Variants in ANAPC16 observed in about 807,000 individuals in gnomAD.
ANAPC16 encodes the protein anaphase-promoting complex subunit 16.
A neutral mutation model predicts 13.1 loss-of-function variants in ANAPC16; 6 were observed. The ratio of observed to expected loss-of-function variants is 0.46; its 90% CI spans 0.25 to 0.90. The LOEUF is 0.90. Among genes scored for constraint, ANAPC16 ranks in the 40% least tolerant of loss-of-function variants. The pLI, the probability that ANAPC16 is intolerant of heterozygous loss-of-function variation, is 0.18. For missense variants in ANAPC16, 113 were observed against 131.1 expected, an observed-to-expected ratio of 0.86 and a Z score of 0.67; for synonymous variants, 55 against 51.3, an observed-to-expected ratio of 1.07 and a Z score of -0.31.
chr10:72,221,651 C>G (rs1346918716), intron 1 of ANAPC16, among the ~76,000 whole-genome samples: 1 of 141,466 alleles, frequency 7.1e-6, no homozygotes, highest in Non-Finnish European at 1.6e-5. Flanking sequence ...CTCCCAGGTT[C>G]AGGTTCAAGT....
chr10:72,232,871 T>TG (rs1860366352), intron 3 of ANAPC16, 130 bp from the exon 4 acceptor site: 1 of 713,214 alleles, frequency 1.4e-6, no homozygotes, highest in African/African-American at 1.8e-5. Context: ...CCCAAAGTGC[T>TG]GGGATTATAG....
chr10:72,218,339 G>A (rs973372055), intron 1 of ANAPC16, among the ~76,000 whole-genome samples: 4 of 150,858 alleles, frequency 2.7e-5, no homozygotes, highest in African/African-American at 9.8e-5. Flanking sequence ...GGCATAAATG[G>A]GTTAAATGAT....
At chr10:72,226,779 G>A (rs913394429) in intron 2 of ANAPC16, among the ~76,000 whole-genome samples, 9 of 152,130 alleles carry the variant, frequency 5.9e-5, no homozygotes, top group Admixed American at 5.2e-4. Context: ...ATTTGTGACA[G>A]GAAACCACGG....
chr10:72,218,340 G>T (rs920623322), intron 1 of ANAPC16, among the ~76,000 whole-genome samples: 6 of 151,040 alleles, frequency 4.0e-5, no homozygotes, highest in African/African-American at 1.5e-4. Context: ...GCATAAATGG[G>T]TTAAATGATG....
chr10:72,218,538 G>A (rs1013538005), intron 1 of ANAPC16, among the ~76,000 whole-genome samples: 3 of 152,020 alleles, frequency 2.0e-5, no homozygotes, highest in Admixed American at 6.6e-5. Flanking sequence ...ATATAAAATG[G>A]GGAAGTTGGG....
At chr10:72,221,865 G>T (rs1177165882) in intron 1 of ANAPC16, among the ~76,000 whole-genome samples, 1 of 151,002 alleles carries the variant, frequency 6.6e-6, no homozygotes, top group Non-Finnish European at 1.5e-5. Flanking sequence ...AAGTAGCTGG[G>T]ATTACAGGCA....
At chr10:72,220,848 C>T (rs1399492467) in intron 1 of ANAPC16, 1 of 143,560 alleles carries the variant, frequency 7.0e-6, no homozygotes, top group African/African-American at 2.7e-5. Flanking sequence ...CGTGACTGGC[C>T]AGAAAAAAAA....
intron 1 of ANAPC16, among the ~76,000 whole-genome samples, chr10:72,218,419 A>G (rs930023534): frequency 6.6e-6 from 1 of 151,876 alleles, no homozygotes; most frequent in Admixed American, 6.6e-5. Flanking sequence ...CTTACCCATT[A>G]TGCTGCTTTA....
At position 72,234,537 on chromosome 10, in the gene ANAPC16, A is replaced by G. The variant is rs752876283; in HGVS notation, c.*1421A>G. On this transcript the variant is annotated 3_prime_UTR_variant, in exon 4 of 4. Coordinates refer to ENST00000299381, the MANE Select transcript of ANAPC16 (RefSeq NM_173473.4). ...CCACTTTCCACAGTAAACAACTGGT[A>G]TAATCATTTATTACGTTGTATGCAA... 1.3e-5 allele frequency: 2 copies of G among 152,230 alleles called. No individual in the cohort carries two copies. Among genetic ancestry groups the G allele is most frequent in the African/African-American group, 2.4e-5 (1 of 41,460 alleles). 9.4% of individuals were successfully genotyped at this position (152,230 alleles called of 1,614,324 possible). A position where few individuals can be genotyped will look rare whatever the true frequency, so the allele number is the denominator to read the frequency against.
At position 72,216,950 on chromosome 10, in the gene ANAPC16, G is replaced by GA. The variant is rs752935810; in HGVS notation, c.-28+819dup. ...GCGAATAGATCTGCACAATGAGAAAGAAAAAAATCCATAATGATCCAATAC... is the reference window on the plus strand; with the variant it reads ...GCGAATAGATCTGCACAATGAGAAAGAAAAAAAATCCATAATGATCCAATAC... On this transcript the variant is annotated intron_variant, in intron 1 of 3. Coordinates refer to ENST00000299381, the MANE Select transcript of ANAPC16 (RefSeq NM_173473.4). 1,059 of 456,110 alleles carry GA rather than the reference G, an allele frequency of 2.3e-3. 2 individuals carry two copies. Among genetic ancestry groups the GA allele is most frequent in the Non-Finnish European group, 3.9e-3 (884 of 226,928 alleles). 28.3% of individuals were successfully genotyped at this position (456,110 alleles called of 1,614,324 possible).
In ANAPC16 at chr10:72,235,638, A is replaced by G. The variant is rs1325773852; in HGVS notation, c.*2522A>G. The G allele has an allele frequency of 6.6e-6, 1 of 152,230 alleles. No individual in the cohort carries two copies. The highest frequency in any genetic ancestry group is 1.5e-5 in the Non-Finnish European group (1 of 68,040). 9.4% of individuals were successfully genotyped at this position (152,230 alleles called of 1,614,324 possible). A position where few individuals can be genotyped will look rare whatever the true frequency, so the allele number is the denominator to read the frequency against. On this transcript the variant is annotated 3_prime_UTR_variant, in exon 4 of 4. Coordinates refer to ENST00000299381, the MANE Select transcript of ANAPC16 (RefSeq NM_173473.4). ...ACCAAGGGAAAAATTAAAAATACCT[A>G]GACTGCAATAAACCTTTAAATTGGA...
At chr10:72,218,145 CAAAAAAAA>C (rs142932037) in intron 1 of ANAPC16, among the ~76,000 whole-genome samples, 82 of 34,864 alleles carry the variant, frequency 2.4e-3, no homozygotes, top group East Asian at 7.2e-3. Context: ...AACTCTGTCT[CAAAAAAAA>C]AAAAAAAAAA....
At chr10:72,217,999 C>T (rs1243626435) in intron 1 of ANAPC16, among the ~76,000 whole-genome samples, 5 of 150,990 alleles carry the variant, frequency 3.3e-5, no homozygotes, top group African/African-American at 1.2e-4. Flanking sequence ...CCAAGCATTT[C>T]GGATGAAGGG....
chr10:72,230,138 C>CA (rs968220035), intron 2 of ANAPC16, among the ~76,000 whole-genome samples: 1 of 152,052 alleles, frequency 6.6e-6, no homozygotes, highest in Admixed American at 6.6e-5. Flanking sequence ...TTTTTTTAAA[C>CA]ACTATTTTTA....
intron 3 of ANAPC16, among the ~76,000 whole-genome samples, chr10:72,231,214 G>T (rs768812580): frequency 6.6e-6 from 1 of 152,042 alleles, no homozygotes; most frequent in Non-Finnish European, 1.5e-5. Flanking sequence ...AATCACTATG[G>T]CATAGAGGAT....
chr10:72,218,168 ATAT>A (rs1859719588), intron 1 of ANAPC16, among the ~76,000 whole-genome samples: 5 of 19,740 alleles, frequency 2.5e-4, no homozygotes, highest in East Asian at 2.0e-3. Flanking sequence ...AAAAAAAAAT[ATAT>A]ATATATATAT....
Position 72,225,503 on chromosome 10 carries a change from G to A in ANAPC16, c.142+1447G>A, listed in dbSNP as rs372605313. Reference sequence around the variant, plus strand: ...AAGCCAAGGCATGAGGATTGTTTGAGCCCAGGAGTTCAAGGTTGCATTGAG... The same window carrying A: ...AAGCCAAGGCATGAGGATTGTTTGAACCCAGGAGTTCAAGGTTGCATTGAG... On this transcript the variant is annotated intron_variant, in intron 2 of 3. Coordinates refer to ENST00000299381, the MANE Select transcript of ANAPC16 (RefSeq NM_173473.4). 9.5e-4 allele frequency among the ~76,000 whole-genome samples: 144 copies of A among 151,102 alleles called. 2 individuals are homozygous for A. Among genetic ancestry groups the A allele is most frequent in the African/African-American group, 3.4e-3 (140 of 41,162 alleles).
chr10:72,221,124 C>G (rs964338097), intron 1 of ANAPC16, among the ~76,000 whole-genome samples: 2 of 152,132 alleles, frequency 1.3e-5, no homozygotes, highest in Non-Finnish European at 2.9e-5. Flanking sequence ...CCATGTTTAC[C>G]AGGCTAGTCT....
chr10:72,218,160 AAAAAAATATAT>A (rs1859680658), intron 1 of ANAPC16, among the ~76,000 whole-genome samples: 1 of 39,150 alleles, frequency 2.6e-5, no homozygotes, highest in African/African-American at 1.1e-4. Flanking sequence ...AAAAAAAAAA[AAAAAAATATAT>A]ATATATATAT....
Sources: gnomAD v4.1 joint callset for allele counts (sites outside exome capture counted in the v4.1 genomes callset) on GRCh38, gnomAD v4.1.1 for gene constraint, MANE v1.5 for transcripts, NCBI Gene and HGNC (gene_info 2026-07-23, HGNC 2026-07-21) for gene names.